The following C3orf20 variants were observed in gnomAD, a reference collection of about 807,000 sequenced individuals.
The protein encoded by C3orf20 is uncharacterized protein C3orf20.
C3orf20 carries 76 observed loss-of-function variants against 88.3 expected under a neutral mutation model. That is an observed-to-expected ratio of 0.86 (90% CI 0.72 to 1.04). C3orf20 has a LOEUF of 1.04. C3orf20 is among the 50% of genes least tolerant of loss of function. The pLI is 0.00. For synonymous variants in C3orf20, 436 were observed against 437.4 expected, an observed-to-expected ratio of 1.00 and a Z score of 0.04; for missense variants, 1,056 against 1,123.3, an observed-to-expected ratio of 0.94 and a Z score of 0.86.
At chr3:14,771,975 C>G in intron 15 of C3orf20, 92 bp from the exon 16 acceptor site, 1 of 1,510,962 alleles carries the variant, frequency 6.6e-7, no homozygotes, top group Non-Finnish European at 9.0e-7. Flanking sequence ...GCACTTGTGT[C>G]CTTGTCTGTC....
At chr3:14,695,603 G>A (rs969633140) in intron 5 of C3orf20, among the ~76,000 whole-genome samples, 1 of 152,094 alleles carries the variant, frequency 6.6e-6, no homozygotes, top group African/African-American at 2.4e-5. Context: ...GCTATCTCCA[G>A]CTATTATTTT....
Position 14,772,305 on chromosome 3 carries a change from A to G in C3orf20, c.2630+104A>G. On this transcript the variant is annotated intron_variant, in intron 16 of 16. Transcript: ENST00000253697. This position sits in a 1 kb window ranked among gnomAD's most constrained non-coding sequence, Gnocchi z 4.2. ...ACTACCCCCAGGCGTGGCCTGGGTCATGTCCAACCATCGCTGACATCTAGC... is the reference window on the plus strand; with the variant it reads ...ACTACCCCCAGGCGTGGCCTGGGTCGTGTCCAACCATCGCTGACATCTAGC... The G allele has an allele frequency of 2.8e-6, 4 of 1,410,884 alleles. No individual in the cohort carries two copies. Among genetic ancestry groups the G allele is most frequent in the Middle Eastern group, 2.1e-4 (1 of 4,772 alleles). The allele number at this position is 1,410,884 out of a possible 1,614,324, so 87.4% of individuals were successfully genotyped here.
chr3:14,675,445 T>C (rs910390875), intron 1 of C3orf20, among the ~76,000 whole-genome samples, 193 bp downstream of exon 1: 1 of 152,136 alleles, frequency 6.6e-6, no homozygotes, highest in South Asian at 2.1e-4. Flanking sequence ...ATGATGGGTG[T>C]AGGTCATTGT....
chr3:14,720,476 A>G (rs190866992), intron 9 of C3orf20, among the ~76,000 whole-genome samples: 11 of 152,196 alleles, frequency 7.2e-5, no homozygotes, highest in African/African-American at 2.6e-4. Context: ...TTAAGCGTAG[A>G]CCCCTGGGCA....
At chr3:14,719,397 A>G (rs994663388) in intron 9 of C3orf20, among the ~76,000 whole-genome samples, 15 of 152,222 alleles carry the variant, frequency 9.9e-5, no homozygotes, top group East Asian at 3.8e-4. Context: ...AAAGAACTCA[A>G]TGGTGCACAG....
Position 14,703,230 on chromosome 3 carries a change from C to T in C3orf20, c.846C>T (p.Ala282=). Residue 282 remains alanine, a synonymous_variant, in exon 6 of 17, where the codon GCC becomes GCT. Transcript: ENST00000253697. ...SLEFSDPCPE[A]REKLQELCRH... is the part of the protein sequence containing the mutation. Reference sequence around the variant, plus strand: ...AGTTCAGCGACCCCTGCCCTGAGGCCCGGGAGAAGCTGCAGGAGTTGTGTC... The same window carrying T: ...AGTTCAGCGACCCCTGCCCTGAGGCTCGGGAGAAGCTGCAGGAGTTGTGTC... 6.2e-7 allele frequency: 1 copy of T among 1,614,144 alleles called. No individual in the cohort carries two copies. The highest frequency in any genetic ancestry group is 8.5e-7 in the Non-Finnish European group (1 of 1,180,032).
At chr3:14,718,912 G>A (rs1304218642) in intron 9 of C3orf20, among the ~76,000 whole-genome samples, 2 of 152,144 alleles carry the variant, frequency 1.3e-5, no homozygotes, top group African/African-American at 4.8e-5. Context: ...ATCCTTTCTG[G>A]AATTCTTTCT....
intron 15 of C3orf20, among the ~76,000 whole-genome samples, chr3:14,762,199 C>T (rs2035583195): frequency 6.6e-6 from 1 of 152,164 alleles, no homozygotes; most frequent in Non-Finnish European, 1.5e-5. Flanking sequence ...AGCCTCCCCA[C>T]ACAGACAAAG....
At chr3:14,726,805 A>T (rs1219107218) in intron 10 of C3orf20, 96 bp from the exon 11 acceptor site, 9 of 1,555,822 alleles carry the variant, frequency 5.8e-6, no homozygotes, top group Non-Finnish European at 7.0e-6. Flanking sequence ...GCAATAGCAC[A>T]TCCTCTGAAC....
chr3:14,694,161 G>C (rs998644822), intron 5 of C3orf20, among the ~76,000 whole-genome samples: 5 of 152,010 alleles, frequency 3.3e-5, no homozygotes, highest in Non-Finnish European at 7.4e-5. Context: ...TTCTTTTTTT[G>C]ATGTGTCTTT....
chr3:14,706,960 T>C (rs1340660324), intron 7 of C3orf20, among the ~76,000 whole-genome samples: 1 of 151,994 alleles, frequency 6.6e-6, no homozygotes, highest in African/African-American at 2.4e-5. Flanking sequence ...GCAAAAATTA[T>C]ATGTCTGGGC....
intron 6 of C3orf20, 65 bp from the exon 7 acceptor site, chr3:14,704,272 T>C (rs1203908093): frequency 2.1e-5 from 33 of 1,555,826 alleles, no homozygotes; most frequent in Non-Finnish European, 2.8e-5. Context: ...GGAGGGGCTG[T>C]AGAGAGCATC....
chr3:14,715,970 A>G (rs1414668754), intron 9 of C3orf20, among the ~76,000 whole-genome samples: 4 of 144,758 alleles, frequency 2.8e-5, no homozygotes, highest in African/African-American at 1.0e-4. Flanking sequence ...TATTAATAAT[A>G]AATTAATAAA....
chr3:14,772,722 C>A lies in C3orf20; in HGVS notation c.2631-69C>A. ...GAGGGCCTTGCCCCTCCTGGCCCAA[C>A]CGGGCCTGGGCTCTGGGCACTGTGA... On this transcript the variant is annotated intron_variant, in intron 16 of 16. Coordinates refer to ENST00000253697, the MANE Select transcript of C3orf20 (RefSeq NM_032137.5). The surrounding 1 kb of genome is among the most constrained non-coding windows in gnomAD (Gnocchi z 4.2). 1 of 1,334,140 alleles carries A rather than the reference C, an allele frequency of 7.5e-7. No homozygotes were observed. The highest frequency in any genetic ancestry group is 1.1e-6 in the Non-Finnish European group (1 of 932,402). The allele number at this position is 1,334,140 out of a possible 1,614,324, so 82.6% of individuals were successfully genotyped here. A position where few individuals can be genotyped will look rare whatever the true frequency, so the allele number is the denominator to read the frequency against.
At chr3:14,717,027 A>T (rs1033832219) in intron 9 of C3orf20, among the ~76,000 whole-genome samples, 1 of 152,190 alleles carries the variant, frequency 6.6e-6, no homozygotes, top group African/African-American at 2.4e-5. Flanking sequence ...GAAGGCAGGC[A>T]TCATAAGTTG....
Position 14,768,783 on chromosome 3 carries a change from G to T in C3orf20, c.2496-3284G>T, listed in dbSNP as rs903056. Among the ~76,000 whole-genome samples the T allele has an allele frequency of 1.3e-5, 2 of 151,834 alleles. No homozygotes were observed. The highest frequency in any genetic ancestry group is 1.3e-4 in the Admixed American group (2 of 15,268). ...CCACACCCGACAAGGGCCTGTTCTT[G>T]TGGATGCTTTTCCTTTTCACTGTGG... On this transcript the variant is annotated intron_variant, in intron 15 of 16. Coordinates refer to ENST00000253697, the MANE Select transcript of C3orf20 (RefSeq NM_032137.5). The surrounding 1 kb of genome is among the most constrained non-coding windows in gnomAD (Gnocchi z 4.1).
Position 14,682,857 on chromosome 3 carries a change from GT to G in C3orf20, c.146del (p.Phe49SerfsTer43), listed in dbSNP as rs2032171608. The stretch of plus-strand genomic sequence containing the variant: ...CAAAAGGCATCAGAAACATCTTTGA[GT>G]TCACTTGGGAAGAGCTCATCAGTGA... ...VPKGIRNIFE[F>X]TWEELISDPS... On this transcript the variant is annotated frameshift_variant, in exon 3 of 17. Transcript: ENST00000253697. LOFTEE classifies it high-confidence loss of function. 3 of 1,614,218 alleles carry G rather than the reference GT, an allele frequency of 1.9e-6. No homozygotes were observed. Among genetic ancestry groups the G allele is most frequent in the Non-Finnish European group, 1.7e-6 (2 of 1,180,042 alleles).
intron 12 of C3orf20, among the ~76,000 whole-genome samples, chr3:14,738,608 G>A (rs1366309781): frequency 6.8e-6 from 1 of 147,284 alleles, no homozygotes; most frequent in African/African-American, 2.5e-5. Flanking sequence ...TGGGATTACA[G>A]GCATGAGCCA....
intron 5 of C3orf20, among the ~76,000 whole-genome samples, chr3:14,698,583 G>A (rs765094592): frequency 5.9e-5 from 9 of 152,192 alleles, no homozygotes; most frequent in Non-Finnish European, 1.2e-4. Flanking sequence ...TAGATTATCA[G>A]GTAGAGACTC....
Sources: gnomAD v4.1 joint callset for allele counts (sites outside exome capture counted in the v4.1 genomes callset) on GRCh38, gnomAD v4.1.1 for gene constraint, Gnocchi (gnomAD v3.1) non-coding constraint, MANE v1.5 for transcripts, NCBI Gene and HGNC (gene_info 2026-07-23, HGNC 2026-07-21) for gene names.